RPAP3: variants seen among roughly 807,000 people sequenced by gnomAD.
RPAP3 encodes RNA polymerase II associated protein 3.
Under a neutral mutation model 88.8 loss-of-function variants are expected in RPAP3, and 58 were observed. The ratio of observed to expected loss-of-function variants is 0.65; its 90% CI spans 0.53 to 0.81. The LOEUF is 0.81. Among genes scored for constraint, RPAP3 ranks in the 40% least tolerant of loss-of-function variants. RPAP3 has a pLI of 0.00. For synonymous variants in RPAP3, 255 were observed against 259.9 expected (o/e 0.98, Z 0.18); for missense variants, 751 against 764.3 (o/e 0.98, Z 0.20).
chr12:47,676,619 C>T (rs1379133515), intron 12 of RPAP3, among the ~76,000 whole-genome samples: 7 of 152,174 alleles, frequency 4.6e-5, no homozygotes, highest in Non-Finnish European at 7.4e-5. Context: ...CTACAAACAC[C>T]TCTACGCAAA....
Position 47,669,041 on chromosome 12 carries a change from T to A in RPAP3, c.1588A>T (p.Ile530Leu), listed in dbSNP as rs142310260. The A allele has an allele frequency of 5.9e-4, 951 of 1,613,872 alleles. 1 individual carries two copies. The highest frequency in any genetic ancestry group is 7.8e-4 in the Non-Finnish European group (918 of 1,179,904). Residue 530 changes from isoleucine to leucine, a missense_variant, in exon 14 of 17, where the codon ATA (isoleucine) becomes TTA (leucine). By Grantham distance (5) the Ile-to-Leu change is conservative. Coordinates refer to ENST00000005386, the MANE Select transcript of RPAP3 (RefSeq NM_024604.3). ...GCAAACTGAGCAGGTTTTTGTTCTA[T>A]CTCTATGGGCATTTTCTCGCTGTAA... is the stretch of plus-strand genomic sequence containing the variant. The part of the protein sequence containing the change: ...QSYSEKMPIE[I>L]EQKPAQFATT...
Position 47,681,778 on chromosome 12 carries a change from T to C in RPAP3, c.1032A>G (p.Leu344=). ...EAEKDCTQAI[L]LDGSYSKAFA... ...AAGCTTTAGAATATGAGCCATCTAA[T>C]AAAATGGCTTGTGTGCAGTCTTTTT... The change falls in exon 10 of 17, where the codon TTA becomes TTG. Residue 344 remains leucine (L), a synonymous_variant. Transcript: ENST00000005386. 6.2e-7 allele frequency: 1 copy of C among 1,611,152 alleles called. No individual in the cohort carries two copies. Among genetic ancestry groups the C allele is most frequent in the Middle Eastern group, 1.7e-4 (1 of 6,056 alleles).
At chr12:47,688,152 TCTA>T (rs754557417) in intron 7 of RPAP3, 151 bp from the exon 8 acceptor site, 5 of 711,388 alleles carry the variant, frequency 7.0e-6, no homozygotes, top group Non-Finnish European at 1.0e-5. Flanking sequence ...TCAAAATCTT[TCTA>T]CTTATTAAAG....
intron 1 of RPAP3, among the ~76,000 whole-genome samples, chr12:47,705,298 T>C (rs779031845): frequency 2.0e-5 from 3 of 152,224 alleles, no homozygotes; most frequent in Admixed American, 6.5e-5. Flanking sequence ...ATAGGTCTTC[T>C]GACTCGTAGC....
rs1305619879 is a variant in RPAP3 at position 47,668,883 on chromosome 12, T to G, written c.1713+33A>C. On this transcript the variant is annotated intron_variant, in intron 14 of 16. Coordinates refer to ENST00000005386, the MANE Select transcript of RPAP3 (RefSeq NM_024604.3). Reference sequence around the variant, plus strand: ...TGACAGAAGTTCTCTGACCTTTTACTTACAACAGAAGTACTACCTTCCTCT... The same window carrying G: ...TGACAGAAGTTCTCTGACCTTTTACGTACAACAGAAGTACTACCTTCCTCT... 2.6e-6 allele frequency: 4 copies of G among 1,542,354 alleles called. No homozygotes were observed. In the East Asian group the frequency reaches 6.8e-5, roughly 26 times the overall value.
intron 5 of RPAP3, among the ~76,000 whole-genome samples, chr12:47,694,898 GTAT>G (rs1260212228): frequency 1.3e-5 from 2 of 152,076 alleles, no homozygotes; most frequent in Non-Finnish European, 2.9e-5. Flanking sequence ...TAGGAAATAG[GTAT>G]TATTATACAC....
intron 12 of RPAP3, 33 bp from the exon 13 acceptor site, chr12:47,670,378 A>C (rs776608820): frequency 7.9e-7 from 1 of 1,269,286 alleles, no homozygotes; most frequent in Admixed American, 1.9e-5. Context: ...CTTAAATCAA[A>C]ATATTAAAGG....
intron 12 of RPAP3, 103 bp from the exon 13 acceptor site, chr12:47,670,448 T>A: frequency 1.5e-6 from 1 of 655,832 alleles, no homozygotes; most frequent in Non-Finnish European, 2.6e-6. Flanking sequence ...AATATCCCAG[T>A]GATTAGTAAA....
Position 47,669,047 on chromosome 12 carries a change from T to C in RPAP3, c.1582A>G (p.Ile528Val), listed in dbSNP as rs772086384. Residue 528 changes from isoleucine to valine, a missense_variant, in exon 14 of 17, where the codon ATA becomes GTA. Ile to Val is a conservative substitution (Grantham distance 29). Transcript: ENST00000005386. Reference protein sequence around the residue: ...VCQSYSEKMPIEIEQKPAQFA... With the variant: ...VCQSYSEKMPVEIEQKPAQFA... Reference sequence around the variant, plus strand: ...TGAGCAGGTTTTTGTTCTATCTCTATGGGCATTTTCTCGCTGTAAGACTGA... The same window carrying C: ...TGAGCAGGTTTTTGTTCTATCTCTACGGGCATTTTCTCGCTGTAAGACTGA... 8.1e-6 allele frequency: 13 copies of C among 1,613,912 alleles called. No individual in the cohort carries two copies. The highest frequency in any genetic ancestry group is 2.2e-5 in the South Asian group (2 of 91,086).
rs1279574671 is a variant in RPAP3 at position 47,662,240 on chromosome 12, C to CAGATT, written c.*1264_*1265insAATCT. On this transcript the variant is annotated 3_prime_UTR_variant, in exon 17 of 17. Transcript: ENST00000005386. Reference sequence around the variant, plus strand: ...GGGGATATAAACATTCAGATCATAGCAGATAAAAAGCTAAATTCAATTGCC... The same window carrying CAGATT: ...GGGGATATAAACATTCAGATCATAGCAGATTAGATAAAAAGCTAAATTCAATTGCC... 1 of 152,112 alleles carries CAGATT rather than the reference C, an allele frequency of 6.6e-6. No homozygotes were observed. The highest frequency in any genetic ancestry group is 1.5e-5 in the Non-Finnish European group (1 of 68,020). 9.4% of individuals were successfully genotyped at this position (152,112 alleles called of 1,614,324 possible). A position where few individuals can be genotyped will look rare whatever the true frequency, so the allele number is the denominator to read the frequency against.
intron 6 of RPAP3, 119 bp from the exon 7 acceptor site, chr12:47,689,314 G>C (rs1939384732): frequency 1.9e-6 from 1 of 521,876 alleles, no homozygotes; most frequent in Non-Finnish European, 3.3e-6. Context: ...AAATAAAGGA[G>C]AAACAAAGAA....
chr12:47,666,458 C>G (rs1938875381), intron 16 of RPAP3, among the ~76,000 whole-genome samples: 1 of 152,218 alleles, frequency 6.6e-6, no homozygotes, highest in Non-Finnish European at 1.5e-5. Context: ...GACTCTTGCA[C>G]TTCTTTGAGA....
At chr12:47,703,676 G>A (rs1377799718) in intron 1 of RPAP3, among the ~76,000 whole-genome samples, 1 of 152,172 alleles carries the variant, frequency 6.6e-6, no homozygotes, top group African/African-American at 2.4e-5. Context: ...TGACTAACAG[G>A]GAGGAGTGGG....
chr12:47,676,367 C>G (rs1476951318), intron 12 of RPAP3, among the ~76,000 whole-genome samples: 1 of 151,884 alleles, frequency 6.6e-6, no homozygotes. Context: ...AAATTCAAAA[C>G]CTAGCAGAAG....
At chr12:47,680,331 T>C (rs897702652) in intron 10 of RPAP3, among the ~76,000 whole-genome samples, 6 of 152,110 alleles carry the variant, frequency 3.9e-5, no homozygotes, top group Admixed American at 6.6e-5. Flanking sequence ...TTAATGTGTA[T>C]AGAGTTTTAG....
At position 47,681,742 on chromosome 12, in the gene RPAP3, T is replaced by C; in HGVS notation, c.1068A>G (p.Arg356=). 1.2e-6 allele frequency: 2 copies of C among 1,612,576 alleles called. No individual in the cohort carries two copies. Among genetic ancestry groups the C allele is most frequent in the Non-Finnish European group, 1.7e-6 (2 of 1,179,358 alleles). ...TTCCCAAAAATGTTCTTGCAGTTCC[T>C]CTTCTGGCAAAAGCTTTAGAATATG... The part of the protein sequence containing the change: ...DGSYSKAFAR[R]GTARTFLGKL... The change falls in exon 10 of 17, where the codon AGA becomes AGG. Residue 356 remains arginine, a synonymous_variant. Transcript: ENST00000005386.
At chr12:47,691,641 A>G (rs1939431341) in intron 5 of RPAP3, among the ~76,000 whole-genome samples, 1 of 152,194 alleles carries the variant, frequency 6.6e-6, no homozygotes, top group Non-Finnish European at 1.5e-5. Context: ...CAGAATGGAT[A>G]TTGTGTTAGG....
chr12:47,664,667 C>A (rs776176684), intron 16 of RPAP3: 5 of 152,336 alleles, frequency 3.3e-5, no homozygotes, highest in African/African-American at 1.2e-4. Flanking sequence ...CAAGACAGTA[C>A]TATTGGTCAG....
In RPAP3 at chr12:47,672,253, C is replaced by T. The variant is rs76182520; in HGVS notation, c.1288-1908G>A. On this transcript the variant is annotated intron_variant, in intron 12 of 16. Coordinates refer to ENST00000005386, the MANE Select transcript of RPAP3 (RefSeq NM_024604.3). ...GTTTGCTAAAAATACCTCCAAGCTG[C>T]CAGCCCTTCAAGCACAGACTACCCT... Among the ~76,000 whole-genome samples, 133 of 152,282 alleles carry T rather than the reference C, an allele frequency of 8.7e-4. 1 individual carries two copies. The East Asian group carries it at 0.024, about 27-fold the overall frequency.
Sources: gnomAD v4.1 joint callset for allele counts (sites outside exome capture counted in the v4.1 genomes callset) on GRCh38, gnomAD v4.1.1 for gene constraint, MANE v1.5 for transcripts, NCBI Gene and HGNC (gene_info 2026-07-23, HGNC 2026-07-21) for gene names.